Variants in VPS53 observed in about 807,000 individuals in gnomAD.
The protein encoded by VPS53 is VPS53 subunit of GARP complex, also known as vacuolar protein sorting-associated protein 53 homolog.
VPS53 carries 70 observed loss-of-function variants against 107.0 expected under a neutral mutation model. The ratio of observed to expected loss-of-function variants is 0.65; its 90% CI spans 0.54 to 0.80. The LOEUF (loss-of-function observed/expected upper bound fraction) is 0.80. VPS53 is among the 30% of genes least tolerant of loss of function. The pLI is 0.00. For missense variants in VPS53, 917 were observed against 1,049.4 expected, an observed-to-expected ratio of 0.87 and a Z score of 1.74; for synonymous variants, 409 against 393.3, an observed-to-expected ratio of 1.04 and a Z score of -0.47.
intron 18 of VPS53, 114 bp from the exon 19 acceptor site, chr17:533,025 A>C: frequency 6.8e-7 from 1 of 1,475,366 alleles, no homozygotes; most frequent in Non-Finnish European, 9.1e-7. Flanking sequence ...TGAAGAATCG[A>C]AGTGGACTCC....
intron 1 of VPS53, chr17:714,401 C>G (rs988597408): frequency 2.8e-5 from 16 of 565,032 alleles, no homozygotes; most frequent in Non-Finnish European, 4.7e-5. Context: ...ACCACCAGAA[C>G]CCCCAGCCCT....
At chr17:605,106 A>G (rs1286042319) in intron 11 of VPS53, among the ~76,000 whole-genome samples, 1 of 152,166 alleles carries the variant, frequency 6.6e-6, no homozygotes, top group Non-Finnish European at 1.5e-5. Context: ...AGTGAAATAT[A>G]TGAGGGGTGG....
At chr17:531,290 C>T (rs1909517870) in intron 19 of VPS53, among the ~76,000 whole-genome samples, 1 of 152,160 alleles carries the variant, frequency 6.6e-6, no homozygotes, top group Non-Finnish European at 1.5e-5. Flanking sequence ...CACTCCCCTA[C>T]TGCCCACCTG....
intron 11 of VPS53, among the ~76,000 whole-genome samples, chr17:622,256 C>G (rs1969499583): frequency 6.6e-6 from 1 of 151,996 alleles, no homozygotes; most frequent in Admixed American, 6.6e-5. Context: ...AAAGGATAGT[C>G]TTTTCTTCTC....
intron 11 of VPS53, among the ~76,000 whole-genome samples, chr17:609,719 G>A (rs1230138822): frequency 6.6e-6 from 1 of 152,188 alleles, no homozygotes; most frequent in African/African-American, 2.4e-5. Context: ...CACAACTTGA[G>A]CCGATAATTC....
intron 8 of VPS53, among the ~76,000 whole-genome samples, chr17:630,123 G>A (rs1333173224): frequency 3.3e-5 from 5 of 151,598 alleles, no homozygotes; most frequent in South Asian, 2.1e-4. Context: ...GAGAAACCCC[G>A]TCTCTACTAA....
chr17:557,345 G>A (rs983834407), intron 15 of VPS53, among the ~76,000 whole-genome samples: 2 of 151,902 alleles, frequency 1.3e-5, no homozygotes, highest in African/African-American at 4.8e-5. Flanking sequence ...ATTAGATAAG[G>A]CCCCCCACCA....
chr17:635,322 A>C (rs965767631), intron 7 of VPS53, among the ~76,000 whole-genome samples: 11 of 152,192 alleles, frequency 7.2e-5, no homozygotes, highest in Admixed American at 3.3e-4. Context: ...GTAGATTGCA[A>C]AAATTTTCTC....
At chr17:561,343 T>C (rs978448579) in intron 14 of VPS53, among the ~76,000 whole-genome samples, 29 of 152,232 alleles carry the variant, frequency 1.9e-4, no homozygotes, top group African/African-American at 7.0e-4. Flanking sequence ...TTGGCTCCTT[T>C]CACCTTGCCC....
In VPS53 at chr17:518,409, T is replaced by A. The variant is rs1908459570; in HGVS notation, c.*719A>T. 1 of 152,288 alleles carries A rather than the reference T, an allele frequency of 6.6e-6. No homozygotes were observed. Among genetic ancestry groups the A allele is most frequent in the South Asian group, 2.1e-4 (1 of 4,834 alleles). 9.4% of individuals were successfully genotyped at this position (152,288 alleles called of 1,614,324 possible). A position where few individuals can be genotyped will look rare whatever the true frequency, so the allele number is the denominator to read the frequency against. On this transcript the variant is annotated 3_prime_UTR_variant, in exon 22 of 22. Coordinates refer to ENST00000437048, the MANE Select transcript of VPS53 (RefSeq NM_001128159.3). ...ATAACACAGGAACACATCACTGGGA[T>A]GCTGCACATCACCTTTGCTATTTCA...
rs79167389 is a variant in VPS53 at position 699,172 on chromosome 17, A to G, written c.218+159T>C. Among the ~76,000 whole-genome samples, 1,095 of 152,310 alleles carry G rather than the reference A, an allele frequency of 7.2e-3. 18 individuals are homozygous for G. The highest frequency in any genetic ancestry group is 0.056 in the East Asian group (288 of 5,188). ...ATGAGCAAAAATCCGTCTCAAAAAT[A>G]AATAAATAAATAATAAAAATTTTAA... On this transcript the variant is annotated intron_variant, in intron 3 of 21. Coordinates refer to ENST00000437048, the MANE Select transcript of VPS53 (RefSeq NM_001128159.3).
intron 11 of VPS53, among the ~76,000 whole-genome samples, chr17:606,537 T>C (rs1467461266): frequency 1.3e-5 from 2 of 152,064 alleles, no homozygotes; most frequent in Non-Finnish European, 2.9e-5. Context: ...ATGCACCACA[T>C]CACCATGTTT....
chr17:530,298 C>T (rs906978289), intron 19 of VPS53, among the ~76,000 whole-genome samples: 3 of 151,888 alleles, frequency 2.0e-5, no homozygotes, highest in Non-Finnish European at 2.9e-5. Context: ...GGATTACAGG[C>T]GCACCACACC....
Position 511,552 on chromosome 17 carries a change from C to T in VPS53, c.*7576G>A, listed in dbSNP as rs1907945038. 6.6e-6 allele frequency: 1 copy of T among 152,026 alleles called. No homozygotes were observed. Among genetic ancestry groups the T allele is most frequent in the Non-Finnish European group, 1.5e-5 (1 of 68,012 alleles). The allele number at this position is 152,026 out of a possible 1,614,324, so 9.4% of individuals were successfully genotyped here. On this transcript the variant is annotated 3_prime_UTR_variant, in exon 22 of 22. Coordinates refer to ENST00000437048, the MANE Select transcript of VPS53 (RefSeq NM_001128159.3). ...TGCCCCAGGTTCTCTGAGTCAACAC[C>T]CTCAAAGGGGACAGACAGAAACAGA...
chr17:625,840 TG>T (rs1969686228), intron 10 of VPS53, among the ~76,000 whole-genome samples: 2 of 152,222 alleles, frequency 1.3e-5, no homozygotes, highest in Admixed American at 1.3e-4. Context: ...CCATGGATTA[TG>T]GGAAAAGGTG....
intron 18 of VPS53, among the ~76,000 whole-genome samples, chr17:533,293 G>A (rs1363453348): frequency 6.6e-6 from 1 of 152,144 alleles, no homozygotes; most frequent in African/African-American, 2.4e-5. Flanking sequence ...TTTTTTTGTA[G>A]AGGCAGGATT....
At chr17:562,848 T>C in intron 13 of VPS53, 103 bp from the exon 14 acceptor site, 1 of 1,302,274 alleles carries the variant, frequency 7.7e-7, no homozygotes, top group Non-Finnish European at 1.0e-6. Flanking sequence ...AAGTAATCAT[T>C]CCTACTGCAT....
chr17:714,435 A>G (rs1308164923), intron 1 of VPS53, 188 bp downstream of exon 1: 6 of 603,226 alleles, frequency 9.9e-6, no homozygotes, highest in Admixed American at 3.0e-5. Flanking sequence ...CAAAGCCTAG[A>G]AAGGGTTCTC....
chr17:630,068 C>T (rs1333344837), intron 8 of VPS53, among the ~76,000 whole-genome samples: 4 of 151,730 alleles, frequency 2.6e-5, no homozygotes, highest in East Asian at 3.9e-4. Flanking sequence ...CCGAGGCGGG[C>T]GGATCACCTG....
Sources: gnomAD v4.1 joint callset for allele counts (sites outside exome capture counted in the v4.1 genomes callset) on GRCh38, gnomAD v4.1.1 for gene constraint, MANE v1.5 for transcripts, NCBI Gene and HGNC (gene_info 2026-07-23, HGNC 2026-07-21) for gene names.